Variants in OSBPL10 observed in about 807,000 individuals in gnomAD.
The protein encoded by OSBPL10 is oxysterol-binding protein-related protein 10.
In OSBPL10, 49 loss-of-function variants were observed where a neutral mutation model predicts 81.7. The observed-to-expected ratio is 0.60, with a 90% CI of 0.48 to 0.76. The LOEUF (loss-of-function observed/expected upper bound fraction) is 0.76, where lower values mean the gene tolerates loss of function less well. Ranked by LOEUF, OSBPL10 falls within the 30% of genes least tolerant of loss-of-function variation. The probability of loss-of-function intolerance (pLI) is 0.00; values close to 1 mark genes in which losing one functional copy is unlikely to be tolerated. For missense variants in OSBPL10, 923 were observed against 987.8 expected (o/e 0.93, Z 0.88); for synonymous variants, 419 against 383.6 (o/e 1.09, Z -1.08).
In OSBPL10 at chr3:31,989,792, C is replaced by T. The variant is rs763745088; in HGVS notation, n.298+56699G>A. 4 of 1,613,980 alleles carry T rather than the reference C, an allele frequency of 2.5e-6. No individual in the cohort carries two copies. The African/African-American group carries it at 5.3e-5, about 22-fold the overall frequency. On this transcript the variant is annotated intron_variant and non_coding_transcript_variant, in intron 2 of 3. Coordinates refer to the OSBPL10 transcript ENST00000479173. ...TTCCAATGTAATGAGAGTGGCAAAG[C>T]CTTTAATTGTAGCTCACTCTTAAGG...
At chr3:31,741,131 C>T (rs1273505797) in intron 5 of OSBPL10, among the ~76,000 whole-genome samples, 1 of 152,102 alleles carries the variant, frequency 6.6e-6, no homozygotes, top group Non-Finnish European at 1.5e-5. Flanking sequence ...ATTCATGCTT[C>T]CCAGGTTCAG....
intron 7 of OSBPL10, among the ~76,000 whole-genome samples, chr3:31,689,817 G>A (rs1438511038): frequency 6.6e-6 from 1 of 152,052 alleles, no homozygotes; most frequent in Non-Finnish European, 1.5e-5. Context: ...GGAACTATAA[G>A]TCCGTTAAAC....
intron 5 of OSBPL10, among the ~76,000 whole-genome samples, chr3:31,734,910 ATC>A (rs1375748665): frequency 3.3e-5 from 5 of 152,264 alleles, no homozygotes; most frequent in African/African-American, 1.2e-4. Context: ...AAGCAATACT[ATC>A]TGTCAGCCTT....
At chr3:32,008,690 C>A (rs1000060348) in intron 2 of OSBPL10, among the ~76,000 whole-genome samples, 1 of 147,180 alleles carries the variant, frequency 6.8e-6, no homozygotes, top group Non-Finnish European at 1.5e-5. Flanking sequence ...GTCGAGGCTG[C>A]GGTAAGGCAA....
chr3:31,801,971 G>A (rs1444445450), intron 4 of OSBPL10, among the ~76,000 whole-genome samples: 1 of 151,940 alleles, frequency 6.6e-6, no homozygotes, highest in Non-Finnish European at 1.5e-5. Context: ...TTATAGGCAT[G>A]TGCCACCATG....
intron 4 of OSBPL10, among the ~76,000 whole-genome samples, chr3:31,797,488 G>A (rs983709677): frequency 1.5e-4 from 23 of 152,130 alleles, no homozygotes; most frequent in African/African-American, 5.6e-4. Context: ...AAGCAATGGC[G>A]GCAAGGCAGG....
chr3:31,811,384 G>A (rs1699676294), intron 4 of OSBPL10, among the ~76,000 whole-genome samples: 1 of 152,202 alleles, frequency 6.6e-6, no homozygotes, highest in Non-Finnish European at 1.5e-5. Context: ...CCCTCCGACT[G>A]TGCCCCATGT....
Position 31,661,921 on chromosome 3 carries a change from A to T in OSBPL10, c.*151T>A. ...TTCCTCTAGCAGAGTGTGGGGGTGC[A>T]CTTTTCATAGTATATAATTTCTCTC... On this transcript the variant is annotated 3_prime_UTR_variant, in exon 12 of 12. Transcript: ENST00000396556. The T allele has an allele frequency of 8.5e-7, 1 of 1,181,914 alleles. No homozygotes were observed. Among genetic ancestry groups the T allele is most frequent in the South Asian group, 1.5e-5 (1 of 65,146 alleles). 73.2% of individuals were successfully genotyped at this position (1,181,914 alleles called of 1,614,324 possible).
At chr3:31,873,769 C>CTA (rs1679999271) in intron 3 of OSBPL10, among the ~76,000 whole-genome samples, 1 of 152,154 alleles carries the variant, frequency 6.6e-6, no homozygotes, top group African/African-American at 2.4e-5. Flanking sequence ...AGCAGCAGTA[C>CTA]TATAGTTAAC....
At chr3:31,750,348 T>A (rs1269314539) in intron 4 of OSBPL10, among the ~76,000 whole-genome samples, 1 of 152,200 alleles carries the variant, frequency 6.6e-6, no homozygotes, top group Non-Finnish European at 1.5e-5. Flanking sequence ...TTATCTGTGT[T>A]GTCTGCTGAT....
At chr3:31,663,494 A>G (rs1700115798) in intron 11 of OSBPL10, 2 of 993,902 alleles carry the variant, frequency 2.0e-6, no homozygotes, top group Non-Finnish European at 2.4e-6. Flanking sequence ...AGCTGGGCAC[A>G]CAGTGCCCTG....
chr3:31,939,657 C>T (rs1697481916), intron 1 of OSBPL10, among the ~76,000 whole-genome samples: 1 of 152,072 alleles, frequency 6.6e-6, no homozygotes, highest in Non-Finnish European at 1.5e-5. Flanking sequence ...ACTCCACAAA[C>T]ACATTCAGAC....
At chr3:31,668,856 T>C (rs2125508123) in intron 9 of OSBPL10, 32 bp from the exon 10 acceptor site, 2 of 1,496,222 alleles carry the variant, frequency 1.3e-6, no homozygotes, top group African/African-American at 1.4e-5. Context: ...GTACACACTT[T>C]TCAAAATGAT....
At chr3:31,840,410 G>A (rs544961768) in intron 3 of OSBPL10, among the ~76,000 whole-genome samples, 20 of 152,298 alleles carry the variant, frequency 1.3e-4, no homozygotes, top group African/African-American at 4.1e-4. Context: ...AAAAGGGCAC[G>A]CCTACTTGTG....
intron 4 of OSBPL10, among the ~76,000 whole-genome samples, chr3:31,749,027 C>A (rs926291168): frequency 6.6e-6 from 1 of 152,174 alleles, no homozygotes; most frequent in Non-Finnish European, 1.5e-5. Context: ...TCAAGCAACC[C>A]GCCCAAGGTC....
chr3:31,816,668 C>G (rs1162339698), intron 4 of OSBPL10, among the ~76,000 whole-genome samples: 4 of 152,150 alleles, frequency 2.6e-5, no homozygotes, highest in Non-Finnish European at 5.9e-5. Context: ...GCACCTTGGC[C>G]TGAGTTCTCA....
chr3:32,031,364 A>ATT lies in OSBPL10; in HGVS notation n.298+15125_298+15126dup, dbSNP rs147825524. 3.5e-4 allele frequency among the ~76,000 whole-genome samples: 53 copies of ATT among 151,592 alleles called. 1 individual carries two copies. Among genetic ancestry groups the ATT allele is most frequent in the South Asian group, 1.3e-3 (6 of 4,782 alleles). The stretch of plus-strand genomic sequence containing the variant: ...AAACTTTTTTATTTTCATATGTTGG[A>ATT]TTTTTTTTTAAAGATGTGATTTGAA... On this transcript the variant is annotated intron_variant and non_coding_transcript_variant, in intron 2 of 3. Coordinates refer to the OSBPL10 transcript ENST00000479173.
At chr3:32,057,708 T>A (rs1699723499) in intron 1 of OSBPL10, among the ~76,000 whole-genome samples, 1 of 151,960 alleles carries the variant, frequency 6.6e-6, no homozygotes, top group South Asian at 2.1e-4. Context: ...CTTGTGGGGG[T>A]TATGAGGATT....
At chr3:31,785,684 C>T (rs1698843064) in intron 4 of OSBPL10, among the ~76,000 whole-genome samples, 1 of 152,044 alleles carries the variant, frequency 6.6e-6, no homozygotes, top group Non-Finnish European at 1.5e-5. Flanking sequence ...AACTAGATTG[C>T]CTCGGCATGT....
Sources: gnomAD v4.1 joint callset for allele counts (sites outside exome capture counted in the v4.1 genomes callset) on GRCh38, gnomAD v4.1.1 for gene constraint, MANE v1.5 for transcripts, NCBI Gene and HGNC (gene_info 2026-07-23, HGNC 2026-07-21) for gene names.